CCDC141: variants seen among roughly 807,000 people sequenced by gnomAD.
The protein encoded by CCDC141 is coiled-coil domain-containing protein 141.
CCDC141 carries 168 observed loss-of-function variants against 181.0 expected under a neutral mutation model. That is an observed-to-expected ratio of 0.93 (90% CI 0.82 to 1.05). The LOEUF (loss-of-function observed/expected upper bound fraction) is 1.05, where lower values mean the gene tolerates loss of function less well. Ranked by LOEUF, CCDC141 falls within the 50% of genes least tolerant of loss-of-function variation. CCDC141 has a pLI of 0.00. For missense variants in CCDC141, 1,902 were observed against 1,788.5 expected (o/e 1.06, Z -1.14); for synonymous variants, 666 against 642.3 (o/e 1.04, Z -0.56).
In CCDC141 at chr2:178,905,474, C is replaced by T; in HGVS notation, c.1120G>A (p.Ala374Thr). 6.5e-7 allele frequency: 1 copy of T among 1,549,976 alleles called. No individual in the cohort carries two copies. Among genetic ancestry groups the T allele is most frequent in the Non-Finnish European group, 8.7e-7 (1 of 1,146,778 alleles). ...TCTGATTTAAGGAGCTTAAGGTAAGCTTCAACTCTTCCAAGTACATCAAAT... is the reference window on the plus strand; with the variant it reads ...TCTGATTTAAGGAGCTTAAGGTAAGTTTCAACTCTTCCAAGTACATCAAAT... ...KAFDVLGRVE[A>T]YLKLLKSEGL... Residue 374 changes from alanine (A) to threonine (T), a missense_variant, in exon 8 of 24, where the codon GCT (alanine) becomes ACT (threonine). Coordinates refer to ENST00000443758, the MANE Select transcript of CCDC141 (RefSeq NM_173648.4).
intron 2 of CCDC141, among the ~76,000 whole-genome samples, chr2:179,046,748 C>A (rs1348628530): frequency 6.6e-6 from 1 of 152,182 alleles, no homozygotes; most frequent in African/African-American, 2.4e-5. Flanking sequence ...ATCTGGCAAC[C>A]TCAAACCAAT....
chr2:178,870,948 G>C (rs1028136177), intron 14 of CCDC141, among the ~76,000 whole-genome samples: 3 of 152,084 alleles, frequency 2.0e-5, no homozygotes, highest in African/African-American at 7.2e-5. Flanking sequence ...AGGTGGAGTG[G>C]AGGGCACAGC....
chr2:178,951,185 G>A (rs1341552439), intron 5 of CCDC141, among the ~76,000 whole-genome samples: 6 of 152,204 alleles, frequency 3.9e-5, no homozygotes, highest in Admixed American at 1.3e-4. Context: ...TCTTGGCAAT[G>A]TGTATCCCTG....
intron 5 of CCDC141, among the ~76,000 whole-genome samples, chr2:178,954,334 G>C (rs1690072610): frequency 6.6e-6 from 1 of 152,330 alleles, no homozygotes; most frequent in South Asian, 2.1e-4. Flanking sequence ...GAGCTGAATA[G>C]AAAGGTCAGC....
intron 2 of CCDC141, among the ~76,000 whole-genome samples, chr2:179,026,457 T>C (rs1007596964): frequency 6.6e-6 from 1 of 152,122 alleles, no homozygotes; most frequent in Non-Finnish European, 1.5e-5. Flanking sequence ...AGAACTAAGG[T>C]GTGGGAACCT....
chr2:178,870,293 A>C (rs1194253645), intron 14 of CCDC141, among the ~76,000 whole-genome samples: 2 of 150,690 alleles, frequency 1.3e-5, no homozygotes, highest in Non-Finnish European at 3.0e-5. Context: ...CTATAATTTC[A>C]AGTGTAGATC....
At chr2:179,031,875 C>T (rs981112233) in intron 2 of CCDC141, among the ~76,000 whole-genome samples, 2 of 152,180 alleles carry the variant, frequency 1.3e-5, no homozygotes, top group Non-Finnish European at 2.9e-5. Context: ...TACGGAAATA[C>T]TTAGGATGGG....
chr2:178,992,729 C>G lies in CCDC141; in HGVS notation c.226-14054G>C, dbSNP rs142138855. Among the ~76,000 whole-genome samples, 576 of 152,196 alleles carry G rather than the reference C, an allele frequency of 3.8e-3. 6 individuals are homozygous for G. Among genetic ancestry groups the G allele is most frequent in the African/African-American group, 0.013 (540 of 41,524 alleles). ...TGATATGGTTTGGCTGTGCCCTCAC[C>G]CAAATCTCATCTTGAATTGTAGTTC... On this transcript the variant is annotated intron_variant, in intron 2 of 23. Transcript: ENST00000443758.
Position 178,850,028 on chromosome 2 carries a change from A to G in CCDC141, c.3357+21T>C, listed in dbSNP as rs1446149639. On this transcript the variant is annotated intron_variant, in intron 21 of 23. Coordinates refer to ENST00000443758, the MANE Select transcript of CCDC141 (RefSeq NM_173648.4). ...TTATTTATTTTGCTTGAAAATACAT[A>G]TTCTAGGAAGAAGAAATTACCTTCA... The G allele has an allele frequency of 3.9e-6, 5 of 1,297,228 alleles. No individual in the cohort carries two copies. In the Admixed American group the frequency reaches 9.9e-5, roughly 26 times the overall value. 80.4% of individuals were successfully genotyped at this position (1,297,228 alleles called of 1,614,324 possible).
rs560613233 is a variant in CCDC141, at chr2:178,962,610, T to C, written c.527-1127A>G. Among the ~76,000 whole-genome samples, 54 of 150,148 alleles carry C rather than the reference T, an allele frequency of 3.6e-4. 1 individual carries two copies. In the South Asian group the frequency reaches 9.4e-3, roughly 26 times the overall value. Reference sequence around the variant, plus strand: ...TCCCCTTCTTTCTTTCTTTCTTTTCTTTCTTTTCCTTCTTTCCTTCTTTCT... The same window carrying C: ...TCCCCTTCTTTCTTTCTTTCTTTTCCTTCTTTTCCTTCTTTCCTTCTTTCT... On this transcript the variant is annotated intron_variant, in intron 4 of 23. Transcript: ENST00000443758.
In CCDC141 at chr2:178,888,760, T is replaced by C. The variant is rs1687008556; in HGVS notation, c.1266-92A>G. On this transcript the variant is annotated intron_variant, in intron 8 of 23. Transcript: ENST00000443758. ...GATCTGCTCTCATGTTAGGTAGGCG[T>C]TGGTAAAAGGCATCAGCTTTAGGAT... The C allele has an allele frequency of 3.6e-6, 5 of 1,381,002 alleles. No homozygotes were observed. In the East Asian group the frequency reaches 7.5e-5, roughly 21 times the overall value. 85.5% of individuals were successfully genotyped at this position (1,381,002 alleles called of 1,614,324 possible). A position where few individuals can be genotyped will look rare whatever the true frequency, so the allele number is the denominator to read the frequency against.
intron 2 of CCDC141, among the ~76,000 whole-genome samples, chr2:179,043,597 C>T (rs1286171892): frequency 6.6e-6 from 1 of 152,174 alleles, no homozygotes; most frequent in Non-Finnish European, 1.5e-5. Flanking sequence ...TTAATAGACA[C>T]ACAAAAGGCC....
chr2:178,845,545 T>G lies in CCDC141; in HGVS notation c.3474+81A>C, dbSNP rs992816475. On this transcript the variant is annotated intron_variant, in intron 22 of 23. Transcript: ENST00000443758. ...TTTGGATAGATAAGAAAGCTGCAAT[T>G]CACTTTTATTTTGCAATGGACAATG... 45 of 774,466 alleles carry G rather than the reference T, an allele frequency of 5.8e-5. No individual in the cohort carries two copies. The Admixed American group carries it at 6.9e-4, about 12-fold the overall frequency. The allele number at this position is 774,466 out of a possible 1,614,324, so 48.0% of individuals were successfully genotyped here.
chr2:178,965,063 G>A (rs1031386948), intron 4 of CCDC141, among the ~76,000 whole-genome samples: 3 of 152,102 alleles, frequency 2.0e-5, no homozygotes, highest in African/African-American at 7.2e-5. Context: ...TACACAATGT[G>A]GATAGGTTTA....
At chr2:179,029,565 C>T (rs2042948399) in intron 2 of CCDC141, among the ~76,000 whole-genome samples, 1 of 152,098 alleles carries the variant, frequency 6.6e-6, no homozygotes, top group African/African-American at 2.4e-5. Context: ...ATCCACAATC[C>T]TTTGTGTACC....
At chr2:178,860,804 C>T (rs1685580476) in intron 17 of CCDC141, among the ~76,000 whole-genome samples, 1 of 151,962 alleles carries the variant, frequency 6.6e-6, no homozygotes, top group South Asian at 2.1e-4. Flanking sequence ...GTGACAATTG[C>T]TCTGTCTTAA....
chr2:178,938,284 G>A (rs992651994), intron 6 of CCDC141, among the ~76,000 whole-genome samples: 2 of 152,118 alleles, frequency 1.3e-5, no homozygotes, highest in African/African-American at 4.8e-5. Flanking sequence ...AGAGATTCTA[G>A]TATGTTGTAT....
intron 8 of CCDC141, among the ~76,000 whole-genome samples, chr2:178,903,524 C>T (rs1687808937): frequency 6.9e-6 from 1 of 144,682 alleles, no homozygotes; most frequent in Admixed American, 7.4e-5. Flanking sequence ...CCAAACACCG[C>T]ATATTCTCAC....
At chr2:178,970,325 C>A (rs1380812481) in intron 4 of CCDC141, among the ~76,000 whole-genome samples, 3 of 152,152 alleles carry the variant, frequency 2.0e-5, no homozygotes, top group Non-Finnish European at 4.4e-5. Context: ...CAATCCTGGG[C>A]AAGAAGAACA....
Sources: gnomAD v4.1 joint callset for allele counts (sites outside exome capture counted in the v4.1 genomes callset) on GRCh38, gnomAD v4.1.1 for gene constraint, MANE v1.5 for transcripts, NCBI Gene and HGNC (gene_info 2026-07-23, HGNC 2026-07-21) for gene names.